Variants in NEIL3 observed in about 807,000 individuals in gnomAD.
The protein encoded by NEIL3 is nei like DNA glycosylase 3, also known as endonuclease 8-like 3.
NEIL3 carries 48 observed loss-of-function variants against 57.5 expected under a neutral mutation model. That is an observed-to-expected ratio of 0.83 (90% CI 0.66 to 1.06). The LOEUF (loss-of-function observed/expected upper bound fraction) is 1.06, where lower values mean the gene tolerates loss of function less well. Among genes scored for constraint, NEIL3 ranks in the 50% least tolerant of loss-of-function variants. The probability of loss-of-function intolerance (pLI) is 0.00; values close to 1 mark genes in which losing one functional copy is unlikely to be tolerated. For synonymous variants in NEIL3, 261 were observed against 253.2 expected, an observed-to-expected ratio of 1.03 and a Z score of -0.29; for missense variants, 717 against 739.1, an observed-to-expected ratio of 0.97 and a Z score of 0.35.
intron 8 of NEIL3, 138 bp downstream of exon 8, chr4:177,353,866 A>C: frequency 5.6e-6 from 4 of 718,262 alleles, no homozygotes; most frequent in Non-Finnish European, 9.1e-6. Context: ...CCCGCGTTCA[A>C]GCGATTCTCC....
intron 4 of NEIL3, among the ~76,000 whole-genome samples, chr4:177,339,144 A>G (rs577053122): frequency 2.0e-5 from 3 of 152,230 alleles, no homozygotes; most frequent in Non-Finnish European, 4.4e-5. Flanking sequence ...GAAAATCTAT[A>G]TACAATTTTT....
chr4:177,370,882 C>T, the NEIL3 span, among the ~76,000 whole-genome samples: 1 of 151,332 alleles, frequency 6.6e-6, no homozygotes, highest in African/African-American at 2.4e-5. Context: ...GCCTGGGCAA[C>T]AGAGCGAGAC....
Position 177,358,843 on chromosome 4 carries a change from A to C in NEIL3, c.1461-1660A>C, listed in dbSNP as rs1225106210. 5.3e-5 allele frequency among the ~76,000 whole-genome samples: 8 copies of C among 152,224 alleles called. No homozygotes were observed. In the East Asian group the frequency reaches 1.5e-3, roughly 29 times the overall value. On this transcript the variant is annotated intron_variant, in intron 8 of 9. Coordinates refer to ENST00000264596, the MANE Select transcript of NEIL3 (RefSeq NM_018248.3). ...AAAATGTTCAACCGTTATCCAAAAC[A>C]GCCGCCTCTAAAATAATATATAAAA...
chr4:177,313,173 A>G (rs1294634485), intron 1 of NEIL3, among the ~76,000 whole-genome samples: 4 of 152,248 alleles, frequency 2.6e-5, no homozygotes, highest in Non-Finnish European at 4.4e-5. Context: ...AGCTAAAGAA[A>G]TATTTAATGG....
chr4:177,345,005 G>T (rs1677371835), intron 6 of NEIL3, among the ~76,000 whole-genome samples: 1 of 152,072 alleles, frequency 6.6e-6, no homozygotes, highest in African/African-American at 2.4e-5. Context: ...ATTTATTAGG[G>T]TCTGCTATAC....
At chr4:177,354,862 A>T (rs1735441864) in intron 8 of NEIL3, among the ~76,000 whole-genome samples, 1 of 152,204 alleles carries the variant, frequency 6.6e-6, no homozygotes, top group Non-Finnish European at 1.5e-5. Context: ...TAACTAAGAA[A>T]TACTACCAGA....
Position 177,359,411 on chromosome 4 carries a change from AAG to A in NEIL3, c.1461-1088_1461-1087del, listed in dbSNP as rs762802714. On this transcript the variant is annotated intron_variant, in intron 8 of 9. Transcript: ENST00000264596. ...AATTTCAGTCCATTTAATCACAAAT[AAG>A]AGATTGCATTCTCTGAACATTTCAA... Among the ~76,000 whole-genome samples the A allele has an allele frequency of 6.6e-5, 10 of 152,344 alleles. No homozygotes were observed. The East Asian group carries it at 1.7e-3, about 26-fold the overall frequency.
Position 177,322,456 on chromosome 4 carries a change from T to C in NEIL3, c.157-3T>C, listed in dbSNP as rs764817460. 1 of 1,613,946 alleles carries C rather than the reference T, an allele frequency of 6.2e-7. No homozygotes were observed. The highest frequency in any genetic ancestry group is 1.1e-5 in the South Asian group (1 of 91,074). Reference sequence around the variant, plus strand: ...TTATGTGTGTACATGTATTTTCCACTAGGCTGCTGCACTGAATAATGATTC... The same window carrying C: ...TTATGTGTGTACATGTATTTTCCACCAGGCTGCTGCACTGAATAATGATTC... On this transcript the variant is annotated splice_polypyrimidine_tract_variant and splice_region_variant and intron_variant, in intron 1 of 9. Coordinates refer to ENST00000264596, the MANE Select transcript of NEIL3 (RefSeq NM_018248.3).
intron 4 of NEIL3, among the ~76,000 whole-genome samples, chr4:177,338,017 C>G (rs1735010472): frequency 8.1e-6 from 1 of 123,890 alleles, no homozygotes; most frequent in Non-Finnish European, 1.6e-5. Context: ...GACTCTGTCT[C>G]TCTCTCTCAC....
rs1032681667 is a variant in NEIL3, at chr4:177,334,919, A to C, written c.279-769A>C. On this transcript the variant is annotated intron_variant, in intron 2 of 9. Coordinates refer to ENST00000264596, the MANE Select transcript of NEIL3 (RefSeq NM_018248.3). ...AGGTCTTACAGAACTACTTTTTTTA[A>C]AAACTGGACATGCTAATCAATCCTA... Among the ~76,000 whole-genome samples the C allele has an allele frequency of 3.3e-5, 5 of 152,182 alleles. 1 individual carries two copies. Among genetic ancestry groups the C allele is most frequent in the African/African-American group, 1.2e-4 (5 of 41,458 alleles).
At chr4:177,359,110 A>G (rs1428262036) in intron 8 of NEIL3, among the ~76,000 whole-genome samples, 1 of 152,188 alleles carries the variant, frequency 6.6e-6, no homozygotes. Flanking sequence ...AGGTTGTGGA[A>G]AAGAAAAGTC....
chr4:177,366,908 G>A (rs955161726), downstream of NEIL3, among the ~76,000 whole-genome samples: 2 of 151,972 alleles, frequency 1.3e-5, no homozygotes, highest in African/African-American at 2.4e-5. Context: ...AATCTTTTCC[G>A]TCATCTCCAC....
chr4:177,362,190 A>G (rs1735618875), intron 9 of NEIL3, 99 bp from the exon 10 acceptor site: 1 of 720,216 alleles, frequency 1.4e-6, no homozygotes. Flanking sequence ...TGATAACAGC[A>G]GTGAAGACTA....
At chr4:177,365,882 C>A (rs1211123377), downstream of NEIL3, among the ~76,000 whole-genome samples, 1 of 152,112 alleles carries the variant, frequency 6.6e-6, no homozygotes. Context: ...GAGTCTTCAC[C>A]ATATAATACC....
intron 2 of NEIL3, among the ~76,000 whole-genome samples, chr4:177,325,701 G>A (rs749865231): frequency 3.7e-4 from 57 of 152,022 alleles, no homozygotes; most frequent in Non-Finnish European, 7.5e-4. Flanking sequence ...CAGTTACTCA[G>A]CATCTTTGCC....
At chr4:177,315,068 C>CAAAAA (rs61100906) in intron 1 of NEIL3, among the ~76,000 whole-genome samples, 1 of 106,474 alleles carries the variant, frequency 9.4e-6, no homozygotes, top group Non-Finnish European at 2.0e-5. Flanking sequence ...GACTCCGTCT[C>CAAAAA]AAAAAAAAAA....
rs545231772 is a variant in NEIL3 at position 177,332,950 on chromosome 4, A to AT, written c.279-2730dup. Among the ~76,000 whole-genome samples the AT allele has an allele frequency of 5.4e-3, 823 of 151,548 alleles. 3 individuals carry two copies. Among genetic ancestry groups the AT allele is most frequent in the Middle Eastern group, 0.01 (3 of 294 alleles). ...AATGTATGATTTTGTAGATAACGTG[A>AT]TTTTTTTTCTCCTTGTTGGAGCGGT... On this transcript the variant is annotated intron_variant, in intron 2 of 9. Transcript: ENST00000264596.
intron 6 of NEIL3, among the ~76,000 whole-genome samples, chr4:177,344,136 T>A (rs1735161920): frequency 6.6e-6 from 1 of 152,132 alleles, no homozygotes; most frequent in Non-Finnish European, 1.5e-5. Flanking sequence ...CTGAAAATGT[T>A]CTGGGCCTTG....
chr4:177,313,267 A>G (rs1578984101), intron 1 of NEIL3, among the ~76,000 whole-genome samples: 1 of 152,218 alleles, frequency 6.6e-6, no homozygotes. Flanking sequence ...TATTGCCATA[A>G]TGGACTGTTA....
Sources: gnomAD v4.1 joint callset for allele counts (sites outside exome capture counted in the v4.1 genomes callset) on GRCh38, gnomAD v4.1.1 for gene constraint, MANE v1.5 for transcripts, NCBI Gene and HGNC (gene_info 2026-07-23, HGNC 2026-07-21) for gene names.